The following FMN1 variants were observed in gnomAD, a reference collection of about 807,000 sequenced individuals.
FMN1 encodes formin-1.
A neutral mutation model predicts 132.4 loss-of-function variants in FMN1; 110 were observed. That is an observed-to-expected ratio of 0.83 (90% CI 0.71 to 0.97). The LOEUF is 0.97. Ranked by LOEUF, FMN1 falls within the 50% of genes least tolerant of loss-of-function variation. The pLI, the probability that FMN1 is intolerant of heterozygous loss-of-function variation, is 0.00. For missense variants in FMN1, 1,792 were observed against 1,705.3 expected, an observed-to-expected ratio of 1.05 and a Z score of -0.90; for synonymous variants, 722 against 651.7, an observed-to-expected ratio of 1.11 and a Z score of -1.64.
At chr15:33,019,451 G>A (rs951185983) in intron 6 of FMN1, among the ~76,000 whole-genome samples, 13 of 152,248 alleles carry the variant, frequency 8.5e-5, no homozygotes, top group African/African-American at 2.7e-4. Context: ...CGGGGCCGCA[G>A]GTGGAGCTGC....
At chr15:32,860,722 G>C in intron 16 of FMN1, 1 of 152,186 alleles carries the variant, frequency 6.6e-6, no homozygotes, top group East Asian at 1.9e-4. Context: ...GCTTTCCAGA[G>C]ATGCAATGTG....
chr15:32,898,775 C>T, intron 15 of FMN1, 59 bp downstream of exon 15: 1 of 1,115,368 alleles, frequency 9.0e-7, no homozygotes, highest in Admixed American at 1.8e-5. Flanking sequence ...CATCATCCAA[C>T]TTATGAATGT....
Position 33,154,320 on chromosome 15 carries a change from T to C in FMN1, c.595A>G (p.Ser199Gly), listed in dbSNP as rs949515458. 49 of 1,536,196 alleles carry C rather than the reference T, an allele frequency of 3.2e-5. No homozygotes were observed. In the African/African-American group the frequency reaches 5.9e-4, roughly 18 times the overall value. ...GTTCTAGAAAGAGGAAGGGAGTGGC[T>C]GGAACAGATCTTGTCCTTGCCCATC... ...PLMGKDKICSSHSLPLSRTRP... is the reference protein window; with the variant it reads ...PLMGKDKICSGHSLPLSRTRP... Residue 199 changes from serine to glycine, a missense_variant, in exon 4 of 21, where the codon AGC becomes GGC. Coordinates refer to ENST00000616417, the MANE Select transcript of FMN1 (RefSeq NM_001277313.2).
At chr15:32,805,730 C>G (rs1398206158) in intron 17 of FMN1, among the ~76,000 whole-genome samples, 1 of 152,186 alleles carries the variant, frequency 6.6e-6, no homozygotes, top group Non-Finnish European at 1.5e-5. Flanking sequence ...ATCATGTTCC[C>G]CCTTACTCTA....
chr15:32,904,571 C>T (rs1477732637), intron 12 of FMN1, among the ~76,000 whole-genome samples: 1 of 151,990 alleles, frequency 6.6e-6, no homozygotes, highest in East Asian at 1.9e-4. Flanking sequence ...TGGAGAGGGG[C>T]AAATGGATGA....
At position 32,898,543 on chromosome 15, in the gene FMN1, T is replaced by A. The variant is rs369499658; in HGVS notation, c.3714+291A>T. Among the ~76,000 whole-genome samples the A allele has an allele frequency of 9.2e-5, 14 of 152,168 alleles. 1 individual carries two copies. In the East Asian group the frequency reaches 2.1e-3, roughly 23 times the overall value. On this transcript the variant is annotated intron_variant, in intron 15 of 20. Coordinates refer to ENST00000616417, the MANE Select transcript of FMN1 (RefSeq NM_001277313.2). The stretch of plus-strand genomic sequence containing the variant: ...AACCAATTACTGAGCGGATCTAGAT[T>A]TCACAGAGAACCTCACAATCTGGCC...
chr15:32,835,017 CA>C (rs747735547), intron 17 of FMN1, among the ~76,000 whole-genome samples: 38 of 152,326 alleles, frequency 2.5e-4, no homozygotes, highest in Non-Finnish European at 4.3e-4. Flanking sequence ...GGGAAGGCAT[CA>C]CCTTTGTTAG....
chr15:33,125,617 A>C (rs1009704415), intron 4 of FMN1, among the ~76,000 whole-genome samples: 25 of 152,276 alleles, frequency 1.6e-4, no homozygotes, highest in Middle Eastern at 3.4e-3. Context: ...AGGCGGGCAG[A>C]TCACTTGAGG....
chr15:33,146,326 G>A (rs1390482786), intron 4 of FMN1, among the ~76,000 whole-genome samples: 1 of 152,074 alleles, frequency 6.6e-6, no homozygotes, highest in Admixed American at 6.5e-5. Context: ...GCCCTCCCAG[G>A]AGGATGAGGA....
intron 17 of FMN1, among the ~76,000 whole-genome samples, chr15:32,851,365 T>TGC (rs939941049): frequency 3.4e-4 from 52 of 152,340 alleles, no homozygotes; most frequent in African/African-American, 1.2e-3. Flanking sequence ...TCTAATCAGT[T>TGC]GCTCTGTGCC....
chr15:33,082,369 C>G (rs1213553385), intron 5 of FMN1, among the ~76,000 whole-genome samples: 4 of 152,078 alleles, frequency 2.6e-5, no homozygotes, highest in Admixed American at 2.6e-4. Context: ...AATCTTATTT[C>G]CAGAGAGTAC....
rs2056253129 is a variant in FMN1, at chr15:32,771,740, A to G, written c.*2570T>C. On this transcript the variant is annotated 3_prime_UTR_variant, in exon 21 of 21. Coordinates refer to ENST00000616417, the MANE Select transcript of FMN1 (RefSeq NM_001277313.2). ...GCATCCCGATCACCTCCTCTCCAGG[A>G]AAAGTTCAGATCCTCCTGCTACACT... The G allele has an allele frequency of 2.0e-5, 3 of 152,272 alleles. No homozygotes were observed. In the South Asian group the frequency reaches 6.2e-4, roughly 32 times the overall value. 9.4% of individuals were successfully genotyped at this position (152,272 alleles called of 1,614,324 possible). A position where few individuals can be genotyped will look rare whatever the true frequency, so the allele number is the denominator to read the frequency against.
chr15:32,804,697 T>A (rs1452268787), intron 17 of FMN1, among the ~76,000 whole-genome samples: 1 of 145,748 alleles, frequency 6.9e-6, no homozygotes, highest in Non-Finnish European at 1.5e-5. Flanking sequence ...TGTGTGATGT[T>A]CCCCACCCTG....
chr15:33,094,460 T>C (rs1252600893), intron 4 of FMN1, among the ~76,000 whole-genome samples: 3 of 152,200 alleles, frequency 2.0e-5, no homozygotes, highest in Admixed American at 1.3e-4. Context: ...ATAAAGCTTA[T>C]AAGAATTCAG....
intron 9 of FMN1, among the ~76,000 whole-genome samples, chr15:32,936,431 C>T (rs991753439): frequency 6.6e-6 from 1 of 152,246 alleles, no homozygotes; most frequent in Non-Finnish European, 1.5e-5. Flanking sequence ...ATTCTCTGGA[C>T]TTACGTATGT....
At chr15:32,830,891 A>G (rs532787727) in intron 17 of FMN1, among the ~76,000 whole-genome samples, 2 of 152,170 alleles carry the variant, frequency 1.3e-5, no homozygotes, top group East Asian at 3.9e-4. Context: ...ATGAAATGTA[A>G]CCTTTCAGAT....
chr15:33,039,350 ATG>A (rs34484736), intron 6 of FMN1, among the ~76,000 whole-genome samples: 28,114 of 152,162 alleles, frequency 0.18, 2,775 homozygotes, highest in Middle Eastern at 0.24. Context: ...CTTAGAAAGT[ATG>A]TGTGGCTCAT....
chr15:32,852,081 G>A (rs746754908), intron 17 of FMN1, among the ~76,000 whole-genome samples: 5 of 152,034 alleles, frequency 3.3e-5, no homozygotes, highest in Admixed American at 6.6e-5. Context: ...TTTTCTTTGG[G>A]CTATCTCATT....
intron 16 of FMN1, among the ~76,000 whole-genome samples, chr15:32,859,723 T>G (rs904185285): frequency 6.6e-6 from 1 of 152,212 alleles, no homozygotes; most frequent in Non-Finnish European, 1.5e-5. Context: ...GAGCTCCATG[T>G]ATCTGGCGAA....
Sources: gnomAD v4.1 joint callset for allele counts (sites outside exome capture counted in the v4.1 genomes callset) on GRCh38, gnomAD v4.1.1 for gene constraint, MANE v1.5 for transcripts, NCBI Gene and HGNC (gene_info 2026-07-23, HGNC 2026-07-21) for gene names.